BRAF: variants seen among roughly 807,000 people sequenced by gnomAD.
BRAF encodes the protein B-Raf proto-oncogene, serine/threonine kinase, also known as serine/threonine-protein kinase B-raf.
Under a neutral mutation model 104.6 loss-of-function variants are expected in BRAF, and 16 were observed. That is an observed-to-expected ratio of 0.15 (90% CI 0.10 to 0.23). The LOEUF is 0.23. BRAF is among the 10% of genes least tolerant of loss of function. The pLI is 1.00. For synonymous variants in BRAF, 310 were observed against 341.6 expected (o/e 0.91, Z 1.02); for missense variants, 541 against 937.3 (o/e 0.58, Z 5.52).
chr7:140,754,057 T>C, intron 15 of BRAF, 130 bp downstream of exon 14: 1 of 992,630 alleles, frequency 1.0e-6, no homozygotes, highest in South Asian at 1.3e-5. Flanking sequence ...GCATGCACAA[T>C]CCTTTATTAA....
At chr7:140,850,621 A>C (rs1809060627) in intron 1 of BRAF, among the ~76,000 whole-genome samples, 1 of 152,204 alleles carries the variant, frequency 6.6e-6, no homozygotes. Context: ...TACTATATAT[A>C]AAATACTTTT....
At chr7:140,850,555 T>C (rs1379013653) in intron 1 of BRAF, among the ~76,000 whole-genome samples, 1 of 152,212 alleles carries the variant, frequency 6.6e-6, no homozygotes, top group Non-Finnish European at 1.5e-5. Flanking sequence ...GTCTCCCTTT[T>C]ACTCATGGAA....
chr7:140,871,023 C>T (rs1811522612), intron 1 of BRAF, among the ~76,000 whole-genome samples: 1 of 151,666 alleles, frequency 6.6e-6, no homozygotes, highest in East Asian at 1.9e-4. Context: ...GTCAGGAGAT[C>T]GAGACCATCC....
chr7:140,916,371 T>G (rs1817636111), intron 1 of BRAF, among the ~76,000 whole-genome samples: 1 of 152,210 alleles, frequency 6.6e-6, no homozygotes, highest in African/African-American at 2.4e-5. Flanking sequence ...ACATAATGAT[T>G]TAATGATGCC....
chr7:140,808,075 G>A lies in BRAF; in HGVS notation c.609-13C>T, dbSNP rs1803839206. 1 of 1,581,602 alleles carries A rather than the reference G, an allele frequency of 6.3e-7. No homozygotes were observed. Among genetic ancestry groups the A allele is most frequent in the Non-Finnish European group, 8.7e-7 (1 of 1,150,936 alleles). ...TGGTTTCTTCTCTCTGAAAAATGTA[G>A]ACACAAGCCTTTCTTGGTTATTACA... On this transcript the variant is annotated splice_polypyrimidine_tract_variant and intron_variant, in intron 4 of 19. Coordinates refer to ENST00000644969, the MANE Select transcript of BRAF (RefSeq NM_001374258.1).
At position 140,828,535 on chromosome 7, in the gene BRAF, TAA is replaced by T. The variant is rs1806333723; in HGVS notation, c.504+6072_504+6073del. On this transcript the variant is annotated intron_variant, in intron 3 of 19. Coordinates refer to ENST00000644969, the MANE Select transcript of BRAF (RefSeq NM_001374258.1). ...CAATGTGATATACATAAAGAATAAG[TAA>T]GTAATATCAGAGTTTCCAACAGCTT... Among the ~76,000 whole-genome samples the T allele has an allele frequency of 2.0e-5, 3 of 152,316 alleles. No homozygotes were observed. In the South Asian group the frequency reaches 6.2e-4, roughly 32 times the overall value.
At position 140,794,485 on chromosome 7, in the gene BRAF, T is replaced by C. The variant is rs773285753; in HGVS notation, c.981-18A>G. 6.2e-7 allele frequency: 1 copy of C among 1,612,960 alleles called. No individual in the cohort carries two copies. The highest frequency in any genetic ancestry group is 8.5e-7 in the Non-Finnish European group (1 of 1,179,010). ...TTTGGGGCCTGGAAAAATGAAGTCATTGGAAGATAAGATTCAGAGTAACGA... is the reference window on the plus strand; with the variant it reads ...TTTGGGGCCTGGAAAAATGAAGTCACTGGAAGATAAGATTCAGAGTAACGA... On this transcript the variant is annotated intron_variant, in intron 7 of 19. Transcript: ENST00000644969.
chr7:140,733,886 A>T (rs574200772), intron 19 of BRAF: 57 of 639,210 alleles, frequency 8.9e-5, no homozygotes, highest in South Asian at 2.9e-4. Flanking sequence ...AATGTATTTT[A>T]AAAAAAGCTA....
At chr7:140,770,055 C>T (rs1048815267) in intron 14 of BRAF, among the ~76,000 whole-genome samples, 5 of 152,186 alleles carry the variant, frequency 3.3e-5, no homozygotes, top group Non-Finnish European at 7.3e-5. Flanking sequence ...TCCTCTAATC[C>T]TATGAACATT....
At position 140,850,153 on chromosome 7, in the gene BRAF, G is replaced by A. The variant is rs1471993321; in HGVS notation, c.198C>T (p.Asp66=). Reference sequence around the variant, plus strand: ...GTGGATTATGCTCCCCACCAAATTTGTCCAATAGGGCCTCTATATGTTCCT... The same window carrying A: ...GTGGATTATGCTCCCCACCAAATTTATCCAATAGGGCCTCTATATGTTCCT... ...LTQEHIEALL[D]KFGGEHNPPS... is the part of the protein sequence containing the mutation. Residue 66 remains aspartate, a synonymous_variant, in exon 2 of 20, where the codon GAC becomes GAT. Transcript: ENST00000644969. 2 of 1,611,676 alleles carry A rather than the reference G, an allele frequency of 1.2e-6. No individual in the cohort carries two copies. The highest frequency in any genetic ancestry group is 3.3e-5 in the Admixed American group (2 of 59,974).
chr7:140,754,562 C>G (rs1798047301), intron 14 of BRAF, among the ~76,000 whole-genome samples: 1 of 152,098 alleles, frequency 6.6e-6, no homozygotes. Flanking sequence ...TTAATCCCAC[C>G]ACTGTGTTCA....
At chr7:140,919,437 G>C (rs1273213687) in intron 1 of BRAF, among the ~76,000 whole-genome samples, 1 of 151,748 alleles carries the variant, frequency 6.6e-6, no homozygotes, top group Non-Finnish European at 1.5e-5. Context: ...GCATAGTCTT[G>C]ATACAGGAAG....
chr7:140,878,876 CA>C (rs568116724), intron 1 of BRAF, among the ~76,000 whole-genome samples: 126 of 151,934 alleles, frequency 8.3e-4, no homozygotes, highest in Non-Finnish European at 1.4e-3. Flanking sequence ...ATTATGTATC[CA>C]TTTTTTTTTC....
chr7:140,719,342 G>GCAGT lies in BRAF; in HGVS notation c.*7148_*7151dup, dbSNP rs1031542108. ...ATAGTCTTGATGAAGACTTCTCCAT[G>GCAGT]CAGTCAATCTTTATTATAGCAGTAT... On this transcript the variant is annotated 3_prime_UTR_variant, in exon 20 of 20. Coordinates refer to ENST00000644969, the MANE Select transcript of BRAF (RefSeq NM_001374258.1). 1 of 988,936 alleles carries GCAGT rather than the reference G, an allele frequency of 1.0e-6. No individual in the cohort carries two copies. The highest frequency in any genetic ancestry group is 6.7e-5 in the East Asian group (1 of 14,816). The allele number at this position is 988,936 out of a possible 1,614,324, so 61.3% of individuals were successfully genotyped here.
chr7:140,749,191 T>A, intron 17 of BRAF, 96 bp downstream of exon 16: 2 of 1,532,134 alleles, frequency 1.3e-6, no homozygotes, highest in Non-Finnish European at 1.8e-6. Flanking sequence ...AAGAAATCTA[T>A]CCTTCACGCT....
At chr7:140,893,671 C>T (rs958549403) in intron 1 of BRAF, among the ~76,000 whole-genome samples, 5 of 151,974 alleles carry the variant, frequency 3.3e-5, no homozygotes, top group African/African-American at 1.2e-4. Context: ...GTTAACAACC[C>T]CACCCGCCAC....
At chr7:140,884,464 T>C (rs931194573) in intron 1 of BRAF, among the ~76,000 whole-genome samples, 9 of 149,544 alleles carry the variant, frequency 6.0e-5, no homozygotes, top group African/African-American at 1.0e-4. Context: ...TGTGTGTGTG[T>C]GTGTGTGTGT....
chr7:140,796,084 C>T (rs1257546122), intron 7 of BRAF, among the ~76,000 whole-genome samples: 1 of 152,140 alleles, frequency 6.6e-6, no homozygotes, highest in Non-Finnish European at 1.5e-5. Flanking sequence ...GGTGCAGTGG[C>T]TCATGCCTGT....
intron 14 of BRAF, among the ~76,000 whole-genome samples, chr7:140,766,045 C>T (rs1048151382): frequency 6.6e-6 from 1 of 151,784 alleles, no homozygotes; most frequent in Non-Finnish European, 1.5e-5. Flanking sequence ...GACTTGGAAC[C>T]AACCCAAATG....
Sources: gnomAD v4.1 joint callset for allele counts (sites outside exome capture counted in the v4.1 genomes callset) on GRCh38, gnomAD v4.1.1 for gene constraint, MANE v1.5 for transcripts, NCBI Gene and HGNC (gene_info 2026-07-23, HGNC 2026-07-21) for gene names.